TRPM7: variants seen among roughly 807,000 people sequenced by gnomAD.
TRPM7 encodes the protein transient receptor potential cation channel subfamily M member 7, also known as LTRPC ion channel family member 7.
TRPM7 carries 134 observed loss-of-function variants against 229.7 expected under a neutral mutation model. The ratio of observed to expected loss-of-function variants is 0.58; its 90% confidence interval spans 0.51 to 0.67. TRPM7 has a LOEUF of 0.67. Ranked by LOEUF, TRPM7 falls within the 30% of genes least tolerant of loss-of-function variation. The pLI, the probability that TRPM7 is intolerant of heterozygous loss-of-function variation, is 0.00. For synonymous variants in TRPM7, 699 were observed against 715.2 expected (o/e 0.98, Z 0.36); for missense variants, 1,901 against 2,210.0 (o/e 0.86, Z 2.80).
intron 23 of TRPM7, 66 bp downstream of exon 23, chr15:50,596,189 T>A (rs1296237931): frequency 2.6e-6 from 3 of 1,141,004 alleles, no homozygotes; most frequent in Non-Finnish European, 3.5e-6. Flanking sequence ...TCTATAAATT[T>A]CCTTCAAAAT....
rs2054494699 is a variant in TRPM7, at chr15:50,582,975, G to A, written c.4557+114C>T. 1.1e-5 allele frequency: 8 copies of A among 705,570 alleles called. No homozygotes were observed. In the South Asian group the frequency reaches 2.7e-4, roughly 24 times the overall value. The allele number at this position is 705,570 out of a possible 1,614,324, so 43.7% of individuals were successfully genotyped here. The stretch of plus-strand genomic sequence containing the variant: ...ACTATGCTAAAGTCAGTTTTCTTAA[G>A]AAAAATTTTTTTGAATTTTTGATAT... On this transcript the variant is annotated intron_variant, in intron 29 of 38. Coordinates refer to ENST00000646667, the MANE Select transcript of TRPM7 (RefSeq NM_017672.6).
At chr15:50,614,664 CAAAAA>C (rs59336476) in intron 13 of TRPM7, among the ~76,000 whole-genome samples, 1,460 of 92,554 alleles carry the variant, frequency 0.016, 15 homozygotes, top group African/African-American at 0.067. Context: ...GACTTGGTCT[CAAAAA>C]AAAAAAAAAA....
chr15:50,616,732 G>A (rs1301391541), intron 13 of TRPM7, among the ~76,000 whole-genome samples: 1 of 151,690 alleles, frequency 6.6e-6, no homozygotes, highest in Non-Finnish European at 1.5e-5. Flanking sequence ...CCAGGCTGGA[G>A]TGCAATGGCA....
At chr15:50,571,580 A>G (rs372277047) in intron 36 of TRPM7, among the ~76,000 whole-genome samples, 1 of 61,072 alleles carries the variant, frequency 1.6e-5, no homozygotes, top group African/African-American at 4.1e-5. Context: ...AAAAAAGTGG[A>G]AAAAAAAAAA....
intron 31 of TRPM7, among the ~76,000 whole-genome samples, chr15:50,577,871 T>C (rs2054210217): frequency 6.6e-6 from 1 of 152,296 alleles, no homozygotes; most frequent in South Asian, 2.1e-4. Flanking sequence ...AAATTTTATA[T>C]AGTAGTGAGA....
At chr15:50,600,300 G>C (rs2059743782) in intron 21 of TRPM7, among the ~76,000 whole-genome samples, 1 of 152,120 alleles carries the variant, frequency 6.6e-6, no homozygotes, top group South Asian at 2.1e-4. Flanking sequence ...AGCCGGGCGT[G>C]GCGGCACACT....
rs116687200 is a variant in TRPM7, at chr15:50,658,748, C to G, written c.84-929G>C. Among the ~76,000 whole-genome samples the G allele has an allele frequency of 8.7e-3, 1,332 of 152,288 alleles. 21 individuals are homozygous for G. The highest frequency in any genetic ancestry group is 0.03 in the African/African-American group (1,240 of 41,560). ...TCTAAAAGCATAGGCTAAAACACAT[C>G]TGTAGTATACGTATAAAATGAAAAT... is the stretch of plus-strand genomic sequence containing the variant. On this transcript the variant is annotated intron_variant, in intron 2 of 38. Coordinates refer to ENST00000646667, the MANE Select transcript of TRPM7 (RefSeq NM_017672.6).
intron 10 of TRPM7, among the ~76,000 whole-genome samples, chr15:50,628,717 C>T (rs2060638856): frequency 6.6e-6 from 1 of 152,170 alleles, no homozygotes; most frequent in Admixed American, 6.5e-5. Context: ...GGGTTAAGAA[C>T]TTTACCTTTC....
At chr15:50,672,639 G>T (rs1362721390) in intron 1 of TRPM7, among the ~76,000 whole-genome samples, 2 of 151,814 alleles carry the variant, frequency 1.3e-5, no homozygotes. Flanking sequence ...GCCAGGTGCG[G>T]TGGCTCACGC....
intron 26 of TRPM7, 92 bp from the exon 27 acceptor site, chr15:50,589,748 T>C (rs1470560957): frequency 2.5e-6 from 2 of 787,366 alleles, no homozygotes; most frequent in Admixed American, 5.4e-5. Context: ...AACAATAGGT[T>C]TATGCTGTTT....
intron 13 of TRPM7, among the ~76,000 whole-genome samples, chr15:50,617,292 G>A (rs28718130): frequency 0.35 from 52,435 of 148,906 alleles, 10,372 homozygotes; most frequent in Admixed American, 0.48. Context: ...CCAAAATCGC[G>A]CCAACTGCAC....
chr15:50,608,101 G>C (rs905730105), intron 19 of TRPM7, among the ~76,000 whole-genome samples: 1 of 145,266 alleles, frequency 6.9e-6, no homozygotes, highest in Non-Finnish European at 1.5e-5. Context: ...AAGAAAAAAA[G>C]ACAAGACAAG....
At chr15:50,665,903 G>C (rs1469214728) in intron 1 of TRPM7, among the ~76,000 whole-genome samples, 4 of 152,096 alleles carry the variant, frequency 2.6e-5, no homozygotes, top group Non-Finnish European at 2.9e-5. Context: ...TGAGGCAGGA[G>C]AACTGCTTGA....
chr15:50,613,501 C>CAAAA (rs67505794), intron 15 of TRPM7, among the ~76,000 whole-genome samples: 8 of 62,804 alleles, frequency 1.3e-4, no homozygotes, highest in South Asian at 1.5e-3. Context: ...ACTCCTGTCT[C>CAAAA]AAAAAAAAAA....
At position 50,579,110 on chromosome 15, in the gene TRPM7, C is replaced by T. The variant is rs78694909; in HGVS notation, c.4593-446G>A. Among the ~76,000 whole-genome samples the T allele has an allele frequency of 7.3e-3, 1,114 of 152,220 alleles. 9 individuals are homozygous for T. The highest frequency in any genetic ancestry group is 0.013 in the Non-Finnish European group (884 of 68,022). ...TAGATGTCATTTTGCCTCTTAGTTT[C>T]TAATGTTGAAAAATATTTCTCCCAA... is the stretch of plus-strand genomic sequence containing the variant. On this transcript the variant is annotated intron_variant, in intron 30 of 38. Coordinates refer to ENST00000646667, the MANE Select transcript of TRPM7 (RefSeq NM_017672.6).
intron 1 of TRPM7, among the ~76,000 whole-genome samples, chr15:50,672,688 T>C (rs573003762): frequency 1.1e-4 from 16 of 151,862 alleles, no homozygotes; most frequent in Non-Finnish European, 1.6e-4. Flanking sequence ...GGCAGGCGGA[T>C]CATCTGAGGT....
At chr15:50,679,511 A>ATATATAT (rs2062184777) in intron 1 of TRPM7, among the ~76,000 whole-genome samples, 1 of 75,458 alleles carries the variant, frequency 1.3e-5, no homozygotes, top group African/African-American at 7.1e-5. Context: ...GTATATATAT[A>ATATATAT]ATATATATAT....
At chr15:50,594,143 T>C (rs1054655099) in intron 24 of TRPM7, among the ~76,000 whole-genome samples, 1 of 152,212 alleles carries the variant, frequency 6.6e-6, no homozygotes, top group African/African-American at 2.4e-5. Flanking sequence ...ATTGTTATTG[T>C]TTACAGAGCT....
chr15:50,686,606 C>G lies in TRPM7; in HGVS notation c.-73G>C. ...TCCTCCGCGGCCTGTAGCCATCTAT[C>G]GGGAAGCGTCTCCGGAGGCGGCAGC... is the stretch of plus-strand genomic sequence containing the variant. On this transcript the variant is annotated 5_prime_UTR_variant, in exon 1 of 39. Transcript: ENST00000646667. 11 of 1,582,118 alleles carry G rather than the reference C, an allele frequency of 7.0e-6. No homozygotes were observed. The highest frequency in any genetic ancestry group is 9.4e-6 in the Non-Finnish European group (11 of 1,165,380).
Sources: gnomAD v4.1 joint callset for allele counts (sites outside exome capture counted in the v4.1 genomes callset) on GRCh38, gnomAD v4.1.1 for gene constraint, MANE v1.5 for transcripts, NCBI Gene and HGNC (gene_info 2026-07-23, HGNC 2026-07-21) for gene names.